Variants in MAPK8IP3 observed in about 807,000 individuals in gnomAD.
MAPK8IP3 encodes the protein mitogen-activated protein kinase 8 interacting protein 3.
A neutral mutation model predicts 157.8 loss-of-function variants in MAPK8IP3; 49 were observed. That is an observed-to-expected ratio of 0.31 (90% CI 0.25 to 0.39). MAPK8IP3 has a LOEUF of 0.39. Ranked by LOEUF, MAPK8IP3 falls within the 10% of genes least tolerant of loss-of-function variation. The pLI is 1.00. For synonymous variants in MAPK8IP3, 897 were observed against 777.7 expected, an observed-to-expected ratio of 1.15 and a Z score of -2.55; for missense variants, 1,478 against 1,889.4, an observed-to-expected ratio of 0.78 and a Z score of 4.04.
rs1388561638 is a variant in MAPK8IP3, at chr16:1,768,713, G to A, written c.3903G>A (p.Glu1301=). 2.5e-6 allele frequency: 4 copies of A among 1,611,944 alleles called. No homozygotes were observed. The highest frequency in any genetic ancestry group is 3.4e-6 in the Non-Finnish European group (4 of 1,179,328). The change falls in exon 32 of 32, where the codon GAG becomes GAA. Residue 1301 remains glutamate (E), a synonymous_variant. Transcript: ENST00000610761. The part of the protein sequence containing the change: ...GYIDFRIGDG[E]DDETEEGAGD... ...CTGCTTTGCCCGCAGGAGACGGAGA[G>A]GACGACGAGACGGAGGAGGGCGCAG...
At chr16:1,736,471 A>G (rs1422606112) in intron 4 of MAPK8IP3, among the ~76,000 whole-genome samples, 1 of 32,882 alleles carries the variant, frequency 3.0e-5, no homozygotes, top group African/African-American at 2.2e-4. Context: ...CATCCATGTG[A>G]GCATCCGTGT....
intron 4 of MAPK8IP3, 21 bp downstream of exon 4, chr16:1,729,599 T>TGGA: frequency 1.3e-6 from 2 of 1,563,070 alleles, no homozygotes; most frequent in Non-Finnish European, 1.7e-6. Context: ...CGCGGCGGGG[T>TGGA]GGAGGTACGC....
intron 4 of MAPK8IP3, among the ~76,000 whole-genome samples, chr16:1,735,701 G>A (rs1311972550): frequency 7.5e-6 from 1 of 133,516 alleles, no homozygotes; most frequent in Non-Finnish European, 1.6e-5. Context: ...CTGTGTGCCT[G>A]TCCGTGTGAG....
rs377183603 is a variant in MAPK8IP3, at chr16:1,741,001, C to T, written c.603-2331C>T. ...ACTGCCTTGGTCACAGACGAAGGCA[C>T]GGCGCCGACTCCTGCTAAGGAGGGG... On this transcript the variant is annotated intron_variant, in intron 4 of 31. Transcript: ENST00000610761. This position sits in a 1 kb window ranked among gnomAD's most constrained non-coding sequence, Gnocchi z 6.9. Among the ~76,000 whole-genome samples, 1 of 152,176 alleles carries T rather than the reference C, an allele frequency of 6.6e-6. No homozygotes were observed. The highest frequency in any genetic ancestry group is 1.5e-5 in the Non-Finnish European group (1 of 68,030).
At chr16:1,753,440 TATTTA>T (rs2041410795) in intron 8 of MAPK8IP3, among the ~76,000 whole-genome samples, 1 of 141,632 alleles carries the variant, frequency 7.1e-6, no homozygotes, top group African/African-American at 2.6e-5. Flanking sequence ...ATTATTTATT[TATTTA>T]TTTATTTATT....
At chr16:1,736,952 GCGTGTGACCGTC>G (rs1395580754) in intron 4 of MAPK8IP3, among the ~76,000 whole-genome samples, 7 of 77,160 alleles carry the variant, frequency 9.1e-5, no homozygotes, top group Non-Finnish European at 1.3e-4. Context: ...GTCCATGTGA[GCGTGTGACCGTC>G]CGTGTGACCG....
chr16:1,737,369 CGTGTGAGA>C (rs2040045481), intron 4 of MAPK8IP3, among the ~76,000 whole-genome samples: 1 of 83,466 alleles, frequency 1.2e-5, no homozygotes, highest in Non-Finnish European at 2.2e-5. Context: ...TGTGACCGTC[CGTGTGAGA>C]GTGTGACCAT....
intron 10 of MAPK8IP3, 101 bp from the exon 11 acceptor site, chr16:1,759,857 G>A: frequency 9.4e-7 from 1 of 1,065,274 alleles, no homozygotes; most frequent in South Asian, 1.3e-5. Context: ...TCCCCAGCCA[G>A]GCTACCCTCT....
rs1448928095 is a variant in MAPK8IP3 at position 1,768,121 on chromosome 16, C to T, written c.3562+14C>T. 6.2e-7 allele frequency: 1 copy of T among 1,612,132 alleles called. No individual in the cohort carries two copies. On this transcript the variant is annotated intron_variant, in intron 29 of 31. Coordinates refer to ENST00000610761, the MANE Select transcript of MAPK8IP3 (RefSeq NM_001318852.2). Reference sequence around the variant, plus strand: ...TGGGGCTCCGAGGTAAGCCCAGCCACCTCGTGTCCCCTCACGGGAGCCTCT... The same window carrying T: ...TGGGGCTCCGAGGTAAGCCCAGCCATCTCGTGTCCCCTCACGGGAGCCTCT...
Position 1,768,643 on chromosome 16 carries a change from G to A in MAPK8IP3, c.3892+17G>A, listed in dbSNP as rs985195759. ...TCCGCATTGGTGAGCGGGGCCCAGG[G>A]ACAGGGCTGAGGTTGGGCGCGGGGG... On this transcript the variant is annotated intron_variant, in intron 31 of 31. Coordinates refer to ENST00000610761, the MANE Select transcript of MAPK8IP3 (RefSeq NM_001318852.2). 3.1e-6 allele frequency: 5 copies of A among 1,609,730 alleles called. No individual in the cohort carries two copies. Among genetic ancestry groups the A allele is most frequent in the East Asian group, 4.5e-5 (2 of 44,782 alleles).
intron 8 of MAPK8IP3, among the ~76,000 whole-genome samples, chr16:1,749,992 C>T (rs758573866): frequency 1.6e-4 from 25 of 152,194 alleles, no homozygotes; most frequent in Middle Eastern, 3.4e-3. Flanking sequence ...ACACACTGTA[C>T]TTGGTGGTGA....
intron 6 of MAPK8IP3, 55 bp downstream of exon 6, chr16:1,747,330 T>G (rs1318892037): frequency 1.9e-6 from 3 of 1,589,138 alleles, no homozygotes; most frequent in Non-Finnish European, 2.6e-6. Context: ...CAGGGCTTGG[T>G]TTGGGTAGAT....
At chr16:1,727,403 G>A (rs1475942143) in intron 2 of MAPK8IP3, among the ~76,000 whole-genome samples, 1 of 152,154 alleles carries the variant, frequency 6.6e-6, no homozygotes, top group Non-Finnish European at 1.5e-5. Context: ...CACATTTGCT[G>A]CATGCAGCGT....
At chr16:1,750,412 A>G (rs1007270048) in intron 8 of MAPK8IP3, among the ~76,000 whole-genome samples, 8 of 151,844 alleles carry the variant, frequency 5.3e-5, no homozygotes, top group African/African-American at 1.9e-4. Flanking sequence ...GGGGTTTCAC[A>G]ATATTTGCCA....
rs1369000877 is a variant in MAPK8IP3, at chr16:1,770,001, G to A, written c.*1177G>A. The stretch of plus-strand genomic sequence containing the variant: ...TACCTTCCAGGCCCACTGCACTCCT[G>A]TCTGGGAGGCCCTTATGAGGGCAGC... On this transcript the variant is annotated 3_prime_UTR_variant, in exon 32 of 32. Coordinates refer to ENST00000610761, the MANE Select transcript of MAPK8IP3 (RefSeq NM_001318852.2). 1 of 152,410 alleles carries A rather than the reference G, an allele frequency of 6.6e-6. No homozygotes were observed. The highest frequency in any genetic ancestry group is 1.5e-5 in the Non-Finnish European group (1 of 68,166). The allele number at this position is 152,410 out of a possible 1,614,324, so 9.4% of individuals were successfully genotyped here.
chr16:1,764,063 G>A (rs932722499), intron 17 of MAPK8IP3, 52 bp from the exon 18 acceptor site: 2 of 1,501,588 alleles, frequency 1.3e-6, no homozygotes, highest in Admixed American at 1.9e-5. Context: ...ATTTCTGGAG[G>A]GATGGGTAGG....
rs2041780163 is a variant in MAPK8IP3 at position 1,759,009 on chromosome 16, C to G, written c.1246+14C>G. 6.2e-7 allele frequency: 1 copy of G among 1,614,034 alleles called. No individual in the cohort carries two copies. The highest frequency in any genetic ancestry group is 1.7e-5 in the Admixed American group (1 of 60,000). ...ATGATTTCTTTGGTAAGGCTGAGGC[C>G]CCGTTCCAGCGTGCGTCGCTCCTCC... On this transcript the variant is annotated intron_variant, in intron 10 of 31. Transcript: ENST00000610761.
intron 6 of MAPK8IP3, 101 bp downstream of exon 6, chr16:1,747,376 C>A: frequency 6.7e-7 from 1 of 1,484,264 alleles, no homozygotes; most frequent in Non-Finnish European, 9.1e-7. Context: ...GTGCAGGCAG[C>A]AGAGACGTGT....
chr16:1,770,158 G>A lies in MAPK8IP3; in HGVS notation c.*1334G>A, dbSNP rs1279596562. Reference sequence around the variant, plus strand: ...CCCACCACCCTGCCACCTCCACTGTGATGTATGTCCGCTCCCTCGTCTGTT... The same window carrying A: ...CCCACCACCCTGCCACCTCCACTGTAATGTATGTCCGCTCCCTCGTCTGTT... On this transcript the variant is annotated 3_prime_UTR_variant, in exon 32 of 32. Transcript: ENST00000610761. 1 of 153,670 alleles carries A rather than the reference G, an allele frequency of 6.5e-6. No homozygotes were observed. Among genetic ancestry groups the A allele is most frequent in the Admixed American group, 6.5e-5 (1 of 15,334 alleles). The allele number at this position is 153,670 out of a possible 1,614,324, so 9.5% of individuals were successfully genotyped here. A position where few individuals can be genotyped will look rare whatever the true frequency, so the allele number is the denominator to read the frequency against.
Sources: allele counts gnomAD v4.1 joint callset (sites outside exome capture counted in the v4.1 genomes callset), GRCh38; gene constraint gnomAD v4.1.1; non-coding constraint Gnocchi (gnomAD v3.1); transcripts MANE v1.5; gene names NCBI Gene and HGNC (gene_info 2026-07-23, HGNC 2026-07-21).